The following SPTLC2 variants were observed in gnomAD, a reference collection of about 807,000 sequenced individuals.
SPTLC2 encodes serine palmitoyltransferase 2.
SPTLC2 carries 21 observed loss-of-function variants against 62.0 expected under a neutral mutation model. That is an observed-to-expected ratio of 0.34 (90% CI 0.24 to 0.49). SPTLC2 has a LOEUF of 0.49. Ranked by LOEUF, SPTLC2 falls within the 20% of genes least tolerant of loss-of-function variation. The pLI is 0.99. For synonymous variants in SPTLC2, 261 were observed against 261.8 expected, an observed-to-expected ratio of 1.00 and a Z score of 0.03; for missense variants, 511 against 713.0, an observed-to-expected ratio of 0.72 and a Z score of 3.23.
chr14:77,573,145 T>C lies in SPTLC2; in HGVS notation c.632-2637A>G, dbSNP rs1048394842. Among the ~76,000 whole-genome samples the C allele has an allele frequency of 3.9e-5, 6 of 152,082 alleles. No individual in the cohort carries two copies. The East Asian group carries it at 1.2e-3, about 29-fold the overall frequency. On this transcript the variant is annotated intron_variant, in intron 4 of 11. Transcript: ENST00000216484. ...CTCACTAAATTTAATCTCATGGAGG[T>C]AGCGAGTAAAACAATACTGGAAGGA...
rs2140071668 is a variant in SPTLC2 at position 77,616,515 on chromosome 14, T to C, written c.65A>G (p.Asn22Ser). 6.5e-7 allele frequency: 1 copy of C among 1,534,448 alleles called. No individual in the cohort carries two copies. Among genetic ancestry groups the C allele is most frequent in the South Asian group, 1.2e-5 (1 of 84,000 alleles). Reference sequence around the variant, plus strand: ...CACGTACCCGTTCCGTACTTCCCCGTTCGCCACGCAGCCATTCGCCCGCAC... The same window carrying C: ...CACGTACCCGTTCCGTACTTCCCCGCTCGCCACGCAGCCATTCGCCCGCAC... ...RTVRANGCVANGEVRNGYVRS... is the reference protein window; with the variant it reads ...RTVRANGCVASGEVRNGYVRS... The change falls in exon 1 of 12, where the codon AAC (asparagine) becomes AGC (serine). Residue 22 changes from asparagine to serine, a missense_variant. By Grantham distance (46) the Asn-to-Ser change is conservative. Coordinates refer to ENST00000216484, the MANE Select transcript of SPTLC2 (RefSeq NM_004863.4).
In SPTLC2 at chr14:77,513,455, T is replaced by C. The variant is rs139512403; in HGVS notation, c.1570-1052A>G. On this transcript the variant is annotated intron_variant, in intron 11 of 11. Transcript: ENST00000216484. The stretch of plus-strand genomic sequence containing the variant: ...AAAGCAAATAAGAGCTGAACGTCAA[T>C]GTGCTATCACAACAGCGGTACCTCT... Among the ~76,000 whole-genome samples the C allele has an allele frequency of 3.7e-4, 56 of 152,322 alleles. No individual in the cohort carries two copies. The East Asian group carries it at 9.8e-3, about 27-fold the overall frequency.
intron 9 of SPTLC2, among the ~76,000 whole-genome samples, chr14:77,524,503 C>T (rs1239189194): frequency 2.6e-5 from 4 of 151,706 alleles, no homozygotes; most frequent in African/African-American, 9.7e-5. Context: ...AGCAATCCCA[C>T]TACTGCTGTT....
chr14:77,558,181 C>G (rs552044496), intron 6 of SPTLC2, among the ~76,000 whole-genome samples: 2 of 151,812 alleles, frequency 1.3e-5, no homozygotes, highest in Non-Finnish European at 2.9e-5. Flanking sequence ...CCAAGTAGCT[C>G]GGATTACCAG....
chr14:77,511,738 G>A lies in SPTLC2; in HGVS notation c.*546C>T, dbSNP rs2079333146. On this transcript the variant is annotated 3_prime_UTR_variant, in exon 12 of 12. Transcript: ENST00000216484. ...TCATCGCTTACTGTTTTTCTTAAAA[G>A]GCTAAACTTAAGATTAAAGGGTGAA... 5.8e-6 allele frequency: 1 copy of A among 173,256 alleles called. No homozygotes were observed. Among genetic ancestry groups the A allele is most frequent in the Non-Finnish European group, 1.3e-5 (1 of 79,626 alleles). The allele number at this position is 173,256 out of a possible 1,614,324, so 10.7% of individuals were successfully genotyped here.
At chr14:77,521,671 TA>T in intron 9 of SPTLC2, 90 bp from the exon 10 acceptor site, 1 of 1,189,604 alleles carries the variant, frequency 8.4e-7, no homozygotes, top group Admixed American at 1.8e-5. Context: ...CCATTCTATC[TA>T]ATCAGTTCTG....
intron 7 of SPTLC2, among the ~76,000 whole-genome samples, 187 bp from the exon 8 acceptor site, chr14:77,555,706 C>T (rs2079579687): frequency 2.6e-5 from 4 of 151,894 alleles, no homozygotes; most frequent in Admixed American, 2.6e-4. Context: ...ATCCCTGACT[C>T]CTGGGTTCAA....
Position 77,615,986 on chromosome 14 carries a change from C to T in SPTLC2, c.132+462G>A, listed in dbSNP as rs569085498. Among the ~76,000 whole-genome samples the T allele has an allele frequency of 5.3e-5, 8 of 152,326 alleles. No individual in the cohort carries two copies. In the East Asian group the frequency reaches 1.2e-3, roughly 22 times the overall value. On this transcript the variant is annotated intron_variant, in intron 1 of 11. Transcript: ENST00000216484. ...AGGCTGGGTGTGTTTCCATCTGACA[C>T]CACCGCCTAATTTTCTTTGCTTCTT...
chr14:77,533,056 G>A (rs550413931), intron 9 of SPTLC2, among the ~76,000 whole-genome samples: 1 of 152,240 alleles, frequency 6.6e-6, no homozygotes, highest in South Asian at 2.1e-4. Flanking sequence ...CCAGCACTTT[G>A]GGAGGCCAAG....
At chr14:77,611,432 C>A in intron 1 of SPTLC2, among the ~76,000 whole-genome samples, 1 of 128,158 alleles carries the variant, frequency 7.8e-6, no homozygotes, top group Non-Finnish European at 1.6e-5. Context: ...TACTGCAGGC[C>A]AGGCTGGAGC....
At position 77,570,433 on chromosome 14, in the gene SPTLC2, C is replaced by T; in HGVS notation, c.707G>A (p.Gly236Asp). 6.2e-7 allele frequency: 1 copy of T among 1,613,882 alleles called. No homozygotes were observed. Among genetic ancestry groups the T allele is most frequent in the Non-Finnish European group, 8.5e-7 (1 of 1,180,000 alleles). ...FLGVEAAMAY[G>D]MGFATNSMNI... ...CATTGAATTCGTTGCAAATCCCATG[C>T]CATACGCCATAGCAGCTTCTACTCC... Residue 236 changes from glycine (G) to aspartate (D), a missense_variant, in exon 5 of 12, where the codon GGC (glycine) becomes GAC (aspartate). Transcript: ENST00000216484.
intron 1 of SPTLC2, among the ~76,000 whole-genome samples, chr14:77,610,822 G>A (rs1435873619): frequency 1.3e-5 from 2 of 151,868 alleles, no homozygotes; most frequent in Non-Finnish European, 2.9e-5. Flanking sequence ...AAGGCAGGAG[G>A]ATCGATTGTA....
At chr14:77,557,524 C>T (rs764174492) in intron 6 of SPTLC2, among the ~76,000 whole-genome samples, 4 of 152,070 alleles carry the variant, frequency 2.6e-5, no homozygotes, top group African/African-American at 7.2e-5. Flanking sequence ...GAAATAAATG[C>T]GTAAAAAAGA....
At chr14:77,566,821 A>G (rs1323824612) in intron 5 of SPTLC2, among the ~76,000 whole-genome samples, 1 of 151,970 alleles carries the variant, frequency 6.6e-6, no homozygotes, top group African/African-American at 2.4e-5. Context: ...TAATCAATAT[A>G]CTGCCCCACC....
At chr14:77,609,665 G>A (rs1283032058) in intron 1 of SPTLC2, among the ~76,000 whole-genome samples, 2 of 152,058 alleles carry the variant, frequency 1.3e-5, no homozygotes, top group Non-Finnish European at 2.9e-5. Flanking sequence ...TGAACCAGTG[G>A]GGTGGAGGTT....
rs996759330 is a variant in SPTLC2 at position 77,511,553 on chromosome 14, T to C, written c.*731A>G. The C allele has an allele frequency of 2.0e-5, 3 of 153,154 alleles. No individual in the cohort carries two copies. The highest frequency in any genetic ancestry group is 4.4e-5 in the Non-Finnish European group (3 of 68,792). 9.5% of individuals were successfully genotyped at this position (153,154 alleles called of 1,614,324 possible). A position where few individuals can be genotyped will look rare whatever the true frequency, so the allele number is the denominator to read the frequency against. ...TGCTTTAAAAAGGGGGTGGGACGTG[T>C]TACGGTTAGAGCTTGGGAAGAACCA... is the stretch of plus-strand genomic sequence containing the variant. On this transcript the variant is annotated 3_prime_UTR_variant, in exon 12 of 12. Coordinates refer to ENST00000216484, the MANE Select transcript of SPTLC2 (RefSeq NM_004863.4).
intron 1 of SPTLC2, among the ~76,000 whole-genome samples, chr14:77,614,975 A>C (rs142152419): frequency 0.033 from 5,044 of 151,834 alleles, 124 homozygotes; most frequent in South Asian, 0.079. Flanking sequence ...GTCTGAAAAA[A>C]AAAAACAAAA....
rs1039179223 is a variant in SPTLC2, at chr14:77,506,376, T to C, written c.*5908A>G. On this transcript the variant is annotated 3_prime_UTR_variant, in exon 12 of 12. Transcript: ENST00000216484. ...AGGTAACTTGGTCAGGGGAAAAATA[T>C]GGGTCAACGAAGTAAGATCTCAGCT... 1 of 152,182 alleles carries C rather than the reference T, an allele frequency of 6.6e-6. No homozygotes were observed. The highest frequency in any genetic ancestry group is 6.5e-5 in the Admixed American group (1 of 15,268). 9.4% of individuals were successfully genotyped at this position (152,182 alleles called of 1,614,324 possible).
intron 1 of SPTLC2, among the ~76,000 whole-genome samples, chr14:77,602,545 TTTC>T (rs2079883547): frequency 1.5e-5 from 2 of 135,542 alleles, no homozygotes; most frequent in Admixed American, 1.6e-4. Context: ...AAAAGGTTTG[TTTC>T]TTTTTTTTTT....
Sources: allele counts gnomAD v4.1 joint callset (sites outside exome capture counted in the v4.1 genomes callset), GRCh38; gene constraint gnomAD v4.1.1; transcripts MANE v1.5; gene names NCBI Gene and HGNC (gene_info 2026-07-23, HGNC 2026-07-21).